The following SLC25A21 variants were observed in gnomAD, a reference collection of about 807,000 sequenced individuals.
The protein encoded by SLC25A21 is mitochondrial 2-oxodicarboxylate carrier.
SLC25A21 carries 47 observed loss-of-function variants against 43.8 expected under a neutral mutation model. The ratio of observed to expected loss-of-function variants is 1.07; its 90% CI spans 0.85 to 1.37. SLC25A21 has a LOEUF of 1.37. Among genes scored for constraint, SLC25A21 ranks in the 40% most tolerant of loss-of-function variants. The pLI, the probability that SLC25A21 is intolerant of heterozygous loss-of-function variation, is 0.00. For synonymous variants in SLC25A21, 131 were observed against 121.3 expected, an observed-to-expected ratio of 1.08 and a Z score of -0.52; for missense variants, 352 against 350.2, an observed-to-expected ratio of 1.00 and a Z score of -0.04.
intron 1 of SLC25A21, among the ~76,000 whole-genome samples, chr14:37,072,915 AT>A (rs1215508087): frequency 6.6e-6 from 1 of 152,206 alleles, no homozygotes; most frequent in Non-Finnish European, 1.5e-5. Flanking sequence ...TCATCTTTAA[AT>A]TCTAAAAATC....
At chr14:36,882,422 T>C (rs1179980) in intron 1 of SLC25A21, among the ~76,000 whole-genome samples, 123,111 of 152,038 alleles carry the variant, frequency 0.81, 50,436 homozygotes, top group Non-Finnish European at 0.87. Flanking sequence ...ATACTCTGTC[T>C]CTCCACACTG....
At chr14:36,948,761 C>T (rs372098521) in intron 1 of SLC25A21, among the ~76,000 whole-genome samples, 2 of 151,786 alleles carry the variant, frequency 1.3e-5, no homozygotes, top group Non-Finnish European at 2.9e-5. Context: ...ATTCCAAAGA[C>T]GCGATACTAA....
rs372555719 is a variant in SLC25A21, at chr14:36,678,974, A to C, written c.*1684T>G. 1.2e-5 allele frequency: 12 copies of C among 982,104 alleles called. No homozygotes were observed. The East Asian group carries it at 5.7e-4, about 47-fold the overall frequency. 60.8% of individuals were successfully genotyped at this position (982,104 alleles called of 1,614,324 possible). The stretch of plus-strand genomic sequence containing the variant: ...TAAAGATTATTATTGGTTAATGTTG[A>C]CATATTTCCTCTATCTCATAGATGG... On this transcript the variant is annotated 3_prime_UTR_variant, in exon 10 of 10. Transcript: ENST00000331299.
chr14:36,734,407 G>C, intron 4 of SLC25A21, 100 bp downstream of exon 4: 1 of 734,272 alleles, frequency 1.4e-6, no homozygotes, highest in Non-Finnish European at 2.0e-6. Context: ...AAAATTTTTA[G>C]TGCTTTATAT....
intron 1 of SLC25A21, among the ~76,000 whole-genome samples, chr14:37,104,335 T>A (rs1216529007): frequency 6.6e-6 from 1 of 152,198 alleles, no homozygotes; most frequent in African/African-American, 2.4e-5. Flanking sequence ...GCTGGCACCT[T>A]GATCTCGGCC....
At chr14:36,869,223 A>G (rs1379631015) in intron 2 of SLC25A21, among the ~76,000 whole-genome samples, 2 of 152,146 alleles carry the variant, frequency 1.3e-5, no homozygotes, top group African/African-American at 4.8e-5. Flanking sequence ...AAAGGTCCTT[A>G]CCTCTGGAAT....
chr14:36,717,534 CCCTG>C (rs1231099858), intron 6 of SLC25A21, among the ~76,000 whole-genome samples: 1 of 152,202 alleles, frequency 6.6e-6, no homozygotes, highest in Non-Finnish European at 1.5e-5. Context: ...GAGCACGGCA[CCCTG>C]CAGGTGATGA....
chr14:37,079,887 C>T (rs1962352282), intron 1 of SLC25A21, among the ~76,000 whole-genome samples: 1 of 152,132 alleles, frequency 6.6e-6, no homozygotes, highest in African/African-American at 2.4e-5. Context: ...GGATGTGGGG[C>T]TTGTGGTAGG....
intron 2 of SLC25A21, among the ~76,000 whole-genome samples, chr14:36,836,403 G>A (rs1889210659): frequency 6.6e-6 from 1 of 152,224 alleles, no homozygotes; most frequent in South Asian, 2.1e-4. Flanking sequence ...GTCTTGTGAT[G>A]CGTAAATAAT....
At chr14:36,711,268 C>T (rs1283496976) in intron 7 of SLC25A21, 50 bp downstream of exon 7, 2 of 1,554,006 alleles carry the variant, frequency 1.3e-6, no homozygotes, top group East Asian at 2.2e-5. Flanking sequence ...ACGGAGCTAT[C>T]ATCACTGATA....
chr14:36,725,565 G>A lies in SLC25A21; in HGVS notation c.438+5C>T. On this transcript the variant is annotated splice_donor_5th_base_variant and intron_variant, in intron 6 of 9. Coordinates refer to ENST00000331299, the MANE Select transcript of SLC25A21 (RefSeq NM_030631.4). Reference sequence around the variant, plus strand: ...CCTAACAATAGAAAAACATTAAATGGTTACCTCTGCAAATGTGTTCCGATT... The same window carrying A: ...CCTAACAATAGAAAAACATTAAATGATTACCTCTGCAAATGTGTTCCGATT... 1 of 1,504,096 alleles carries A rather than the reference G, an allele frequency of 6.6e-7. No homozygotes were observed. Among genetic ancestry groups the A allele is most frequent in the Non-Finnish European group, 8.9e-7 (1 of 1,118,318 alleles). The allele number at this position is 1,504,096 out of a possible 1,614,324, so 93.2% of individuals were successfully genotyped here. A position where few individuals can be genotyped will look rare whatever the true frequency, so the allele number is the denominator to read the frequency against.
At chr14:36,684,709 C>T in intron 8 of SLC25A21, 35 bp downstream of exon 8, 4 of 1,569,506 alleles carry the variant, frequency 2.5e-6, no homozygotes, top group Non-Finnish European at 3.5e-6. Context: ...ACGTGAGCCT[C>T]ATACATTTAT....
At chr14:36,880,885 T>G (rs1208873681) in intron 1 of SLC25A21, among the ~76,000 whole-genome samples, 1 of 152,194 alleles carries the variant, frequency 6.6e-6, no homozygotes, top group Non-Finnish European at 1.5e-5. Context: ...TCCAGAGCTG[T>G]GTGCATGCAG....
chr14:36,959,611 G>A (rs17105777), intron 1 of SLC25A21, among the ~76,000 whole-genome samples: 56,156 of 151,832 alleles, frequency 0.37, 10,579 homozygotes, highest in South Asian at 0.48. Flanking sequence ...AGACACCAAA[G>A]GGAAAAAATG....
At chr14:37,145,398 C>G (rs895943875) in intron 1 of SLC25A21, among the ~76,000 whole-genome samples, 6 of 151,332 alleles carry the variant, frequency 4.0e-5, no homozygotes, top group African/African-American at 7.3e-5. Context: ...CCAGATTTAC[C>G]TCTATTCTCT....
chr14:36,932,270 C>T (rs1342852347), intron 1 of SLC25A21, among the ~76,000 whole-genome samples: 1 of 151,962 alleles, frequency 6.6e-6, no homozygotes, highest in Non-Finnish European at 1.5e-5. Flanking sequence ...TCAAATGGCC[C>T]CTTCAGCTCC....
At chr14:36,855,715 T>C (rs534739559) in intron 2 of SLC25A21, among the ~76,000 whole-genome samples, 2 of 152,190 alleles carry the variant, frequency 1.3e-5, no homozygotes, top group African/African-American at 2.4e-5. Flanking sequence ...GGTCTCCCCA[T>C]GTGTGGAGCA....
At chr14:37,103,458 G>A (rs1490322350) in intron 1 of SLC25A21, among the ~76,000 whole-genome samples, 1 of 152,146 alleles carries the variant, frequency 6.6e-6, no homozygotes, top group African/African-American at 2.4e-5. Context: ...CAACTACCAT[G>A]CTTTGAGCTT....
chr14:36,702,492 A>G (rs1174746531), intron 7 of SLC25A21, among the ~76,000 whole-genome samples: 4 of 150,704 alleles, frequency 2.7e-5, no homozygotes, highest in Non-Finnish European at 5.9e-5. Context: ...AAAAAAAAAA[A>G]AAAAGAAAGA....
Sources: gnomAD v4.1 joint callset for allele counts (sites outside exome capture counted in the v4.1 genomes callset) on GRCh38, gnomAD v4.1.1 for gene constraint, MANE v1.5 for transcripts, NCBI Gene and HGNC (gene_info 2026-07-23, HGNC 2026-07-21) for gene names.